URGCP: variants seen among roughly 807,000 people sequenced by gnomAD.
URGCP encodes upregulator of cell proliferation.
In URGCP, 13 loss-of-function variants were observed where a neutral mutation model predicts 24.6. The observed-to-expected ratio is 0.53, with a 90% CI of 0.34 to 0.84. The LOEUF (loss-of-function observed/expected upper bound fraction) is 0.84, where lower values mean the gene tolerates loss of function less well. Ranked by LOEUF, URGCP falls within the 40% of genes least tolerant of loss-of-function variation. The pLI is 0.01. For missense variants in URGCP, 899 were observed against 1,194.3 expected (o/e 0.75, Z 3.64); for synonymous variants, 444 against 487.2 (o/e 0.91, Z 1.17).
chr7:43,882,627 C>T (rs1333413343), intron 3 of URGCP, among the ~76,000 whole-genome samples: 1 of 150,528 alleles, frequency 6.6e-6, no homozygotes, highest in Non-Finnish European at 1.5e-5. Context: ...AAACACCAAA[C>T]AACAACAAAA....
intron 1 of URGCP, among the ~76,000 whole-genome samples, chr7:43,893,264 A>G (rs2132682296): frequency 6.6e-6 from 1 of 151,996 alleles, no homozygotes; most frequent in East Asian, 1.9e-4. Flanking sequence ...TGGAAGGTCA[A>G]GGCTGCAGTG....
At chr7:43,906,531 G>A in intron 1 of URGCP, 31 bp downstream of exon 1, 3 of 1,212,530 alleles carry the variant, frequency 2.5e-6, no homozygotes, top group South Asian at 2.7e-5. Flanking sequence ...CGGCAGCCGC[G>A]GGGGCGCAGG....
upstream of URGCP, chr7:43,926,512 G>A (rs367757969): frequency 7.2e-6 from 11 of 1,523,450 alleles, no homozygotes; most frequent in Middle Eastern, 3.4e-4. Context: ...GGGCCGCCCG[G>A]GTCCCCGGCA....
intron 5 of URGCP, chr7:43,881,320 G>A (rs1304420058): frequency 1.5e-6 from 1 of 680,120 alleles, no homozygotes; most frequent in East Asian, 2.7e-5. Context: ...TCCAAACCGG[G>A]CTGTACATTA....
At chr7:43,891,586 T>C (rs1425169904) in intron 1 of URGCP, among the ~76,000 whole-genome samples, 1 of 152,170 alleles carries the variant, frequency 6.6e-6, no homozygotes, top group African/African-American at 2.4e-5. Flanking sequence ...TTATCAGTAC[T>C]GCACATAGCT....
At position 43,877,333 on chromosome 7, in the gene URGCP, G is replaced by T. The variant is rs202078996; in HGVS notation, c.2130C>A (p.Asn710Lys). 6.2e-7 allele frequency: 1 copy of T among 1,612,814 alleles called. No individual in the cohort carries two copies. The change falls in exon 6 of 6, where the codon AAC becomes AAA. Residue 710 changes from asparagine (N) to lysine (K), a missense_variant. Physicochemically the swap from Asn to Lys is moderately conservative, Grantham distance 94 (BLOSUM62 0). Transcript: ENST00000453200. ...VPGTGKSTLL[N>K]TMFGLRFATG... ...TGGCAAACCGCAGCCCAAACATGGT[G>T]TTGAGGAGTGTGGACTTGCCCGTGC...
chr7:43,915,599 G>A (rs2095914630), intron 1 of URGCP, among the ~76,000 whole-genome samples: 1 of 152,226 alleles, frequency 6.6e-6, no homozygotes, highest in Non-Finnish European at 1.5e-5. Context: ...GGGGCTCATG[G>A]CCCAAGGGCC....
intron 1 of URGCP, among the ~76,000 whole-genome samples, chr7:43,891,839 G>A (rs2095871214): frequency 6.6e-6 from 1 of 151,512 alleles, no homozygotes; most frequent in African/African-American, 2.4e-5. Flanking sequence ...CTGGAGTGCA[G>A]TGACGCCATC....
At chr7:43,894,986 C>A (rs761772107) in intron 1 of URGCP, among the ~76,000 whole-genome samples, 2 of 152,072 alleles carry the variant, frequency 1.3e-5, no homozygotes, top group Non-Finnish European at 2.9e-5. Flanking sequence ...GCTGTGATCA[C>A]ACCACTGCAC....
chr7:43,918,954 A>T, intron 1 of URGCP: 1 of 1,350,060 alleles, frequency 7.4e-7, no homozygotes, highest in African/African-American at 1.4e-5. Flanking sequence ...CAAGCTCTAC[A>T]ACCCAGAGAA....
intron 1 of URGCP, chr7:43,906,345 C>T (rs1233959895): frequency 7.7e-6 from 2 of 260,524 alleles, no homozygotes; most frequent in South Asian, 1.4e-4. Context: ...CGCTGTCCTC[C>T]GCCGGCGCCC....
intron 3 of URGCP, among the ~76,000 whole-genome samples, chr7:43,883,658 G>A (rs2095858122): frequency 6.6e-6 from 1 of 152,038 alleles, no homozygotes; most frequent in Admixed American, 6.6e-5. Flanking sequence ...ACCTTGCCCG[G>A]CCCCAAAATT....
At chr7:43,915,964 G>A (rs1300615715) in intron 1 of URGCP, among the ~76,000 whole-genome samples, 1 of 152,072 alleles carries the variant, frequency 6.6e-6, no homozygotes, top group Non-Finnish European at 1.5e-5. Flanking sequence ...AGCCAAGATT[G>A]TGCCACTGCA....
At chr7:43,886,189 T>C (rs924521461) in intron 3 of URGCP, among the ~76,000 whole-genome samples, 1 of 152,250 alleles carries the variant, frequency 6.6e-6, no homozygotes, top group Admixed American at 6.5e-5. Context: ...TGTCTCACTA[T>C]GTTGCGCAGG....
At chr7:43,901,928 G>C (rs1304953812) in intron 1 of URGCP, among the ~76,000 whole-genome samples, 1 of 152,200 alleles carries the variant, frequency 6.6e-6, no homozygotes, top group Non-Finnish European at 1.5e-5. Flanking sequence ...ATGAGTCCTT[G>C]AGAATTCCCA....
rs950961212 is a variant in URGCP, at chr7:43,878,461, A to G, written c.1002T>C (p.Phe334=). Residue 334 remains phenylalanine, a synonymous_variant, in exon 6 of 6, where the codon TTT becomes TTC. Coordinates refer to ENST00000453200, the MANE Select transcript of URGCP (RefSeq NM_001077663.3). The surrounding 1 kb of genome is among the most constrained non-coding windows in gnomAD (Gnocchi z 5.6). ...ACCCGATGTCACCTCTCAGGTTCAG[A>G]AAGGCCACAGGTTCTGGGAAAATGT... The part of the protein sequence containing the change: ...DLDIFPEPVA[F]LNLRGDIGSH... 27 of 1,614,192 alleles carry G rather than the reference A, an allele frequency of 1.7e-5. No homozygotes were observed. Among genetic ancestry groups the G allele is most frequent in the Non-Finnish European group, 2.2e-5 (26 of 1,180,030 alleles).
chr7:43,901,244 T>C (rs1461228077), intron 1 of URGCP, among the ~76,000 whole-genome samples: 5 of 152,194 alleles, frequency 3.3e-5, no homozygotes, highest in Non-Finnish European at 4.4e-5. Context: ...TGGTTCCGGA[T>C]GAGAGGCTCT....
At chr7:43,920,207 T>C (rs538254675) in intron 1 of URGCP, among the ~76,000 whole-genome samples, 52 of 152,344 alleles carry the variant, frequency 3.4e-4, no homozygotes, top group Non-Finnish European at 6.8e-4. Flanking sequence ...ACATTACTTC[T>C]CCTCTTATGA....
intron 1 of URGCP, among the ~76,000 whole-genome samples, chr7:43,923,338 G>A (rs1421322433): frequency 1.3e-5 from 2 of 149,432 alleles, no homozygotes; most frequent in African/African-American, 5.0e-5. Context: ...CTGGGCTGGA[G>A]TACAGTGGCT....
Sources: gnomAD v4.1 joint callset for allele counts (sites outside exome capture counted in the v4.1 genomes callset) on GRCh38, gnomAD v4.1.1 for gene constraint, Gnocchi (gnomAD v3.1) non-coding constraint, MANE v1.5 for transcripts, NCBI Gene and HGNC (gene_info 2026-07-23, HGNC 2026-07-21) for gene names.